The following NEDD4L variants were observed in gnomAD, a reference collection of about 807,000 sequenced individuals.
The protein encoded by NEDD4L is NEDD4 like E3 ubiquitin protein ligase.
Under a neutral mutation model 148.9 loss-of-function variants are expected in NEDD4L, and 54 were observed. That is an observed-to-expected ratio of 0.36 (90% CI 0.29 to 0.45). NEDD4L has a LOEUF of 0.45. Ranked by LOEUF, NEDD4L falls within the 20% of genes least tolerant of loss-of-function variation. The probability of loss-of-function intolerance (pLI) is 1.00; values close to 1 mark genes in which losing one functional copy is unlikely to be tolerated. For missense variants in NEDD4L, 856 were observed against 1,233.8 expected (o/e 0.69, Z 4.59); for synonymous variants, 433 against 440.7 (o/e 0.98, Z 0.22).
intron 5 of NEDD4L, among the ~76,000 whole-genome samples, chr18:58,292,980 C>T (rs915726498): frequency 6.6e-6 from 1 of 152,160 alleles, no homozygotes; most frequent in Non-Finnish European, 1.5e-5. Context: ...TACTGACAGC[C>T]CAAAATACAT....
chr18:58,141,726 C>A (rs561343579), intron 1 of NEDD4L, among the ~76,000 whole-genome samples: 1 of 152,072 alleles, frequency 6.6e-6, no homozygotes, highest in Non-Finnish European at 1.5e-5. Context: ...TATGTGCATG[C>A]GTCTCATTTA....
intron 24 of NEDD4L, among the ~76,000 whole-genome samples, chr18:58,380,944 T>C (rs1029684893): frequency 1.3e-5 from 2 of 152,250 alleles, no homozygotes; most frequent in Non-Finnish European, 2.9e-5. Context: ...GAATTTTACT[T>C]TGTAGACGTG....
At chr18:58,076,267 A>C (rs117362181) in intron 1 of NEDD4L, among the ~76,000 whole-genome samples, 2 of 152,348 alleles carry the variant, frequency 1.3e-5, no homozygotes, top group Non-Finnish European at 2.9e-5. Flanking sequence ...TGCATAAACT[A>C]ATCTGGGGAG....
chr18:58,344,279 G>T (rs2042785117), intron 16 of NEDD4L, among the ~76,000 whole-genome samples: 1 of 152,180 alleles, frequency 6.6e-6, no homozygotes, highest in Non-Finnish European at 1.5e-5. Context: ...AGTCCAGCAG[G>T]TCTAGAGGGC....
chr18:58,058,025 A>G (rs2082163280), intron 1 of NEDD4L, among the ~76,000 whole-genome samples: 1 of 152,078 alleles, frequency 6.6e-6, no homozygotes, highest in Non-Finnish European at 1.5e-5. Flanking sequence ...AATGGTGGTA[A>G]GGCCGGCCGC....
chr18:58,363,597 C>T (rs1039579086), intron 19 of NEDD4L, among the ~76,000 whole-genome samples: 33 of 152,300 alleles, frequency 2.2e-4, no homozygotes, highest in Admixed American at 4.6e-4. Flanking sequence ...GATATCACAA[C>T]TTTTGAATGA....
chr18:58,084,740 G>A (rs1282162153), intron 1 of NEDD4L, among the ~76,000 whole-genome samples: 1 of 147,146 alleles, frequency 6.8e-6, no homozygotes, highest in African/African-American at 2.5e-5. Context: ...TGTCACCTAG[G>A]CTGGAATGCA....
At chr18:58,176,209 C>T (rs969437902) in intron 2 of NEDD4L, among the ~76,000 whole-genome samples, 1 of 151,944 alleles carries the variant, frequency 6.6e-6, no homozygotes, top group Non-Finnish European at 1.5e-5. Context: ...CACTCTCCCC[C>T]TGTCTCCCTC....
chr18:58,316,099 G>C, intron 6 of NEDD4L, 67 bp downstream of exon 6: 2 of 1,258,056 alleles, frequency 1.6e-6, no homozygotes, highest in South Asian at 2.5e-5. Context: ...TGTAGTCAGT[G>C]TATTTTCAGA....
At chr18:58,062,077 A>G (rs2082361608) in intron 1 of NEDD4L, among the ~76,000 whole-genome samples, 2 of 152,312 alleles carry the variant, frequency 1.3e-5, no homozygotes, top group South Asian at 2.1e-4. Context: ...TCAAAGTTAT[A>G]TGTGTATTTT....
At position 58,112,229 on chromosome 18, in the gene NEDD4L, A is replaced by G. The variant is rs148598335; in HGVS notation, c.49-53559A>G. 1.4e-3 allele frequency among the ~76,000 whole-genome samples: 215 copies of G among 152,298 alleles called. 7 individuals carry two copies. The East Asian group carries it at 0.033, about 24-fold the overall frequency. Reference sequence around the variant, plus strand: ...TATTTTTTCAGTGTTTAGGTTTTCAATTGAATCAACTGACAAGTTTAGTGG... The same window carrying G: ...TATTTTTTCAGTGTTTAGGTTTTCAGTTGAATCAACTGACAAGTTTAGTGG... On this transcript the variant is annotated intron_variant, in intron 1 of 30. Transcript: ENST00000400345.
At chr18:58,144,125 A>G (rs2033852898) in intron 1 of NEDD4L, among the ~76,000 whole-genome samples, 1 of 151,712 alleles carries the variant, frequency 6.6e-6, no homozygotes, top group Non-Finnish European at 1.5e-5. Context: ...TAAAAAAAAA[A>G]AAAAGTCCAA....
At chr18:58,066,798 C>T (rs1003704613) in intron 1 of NEDD4L, among the ~76,000 whole-genome samples, 6 of 152,030 alleles carry the variant, frequency 3.9e-5, no homozygotes, top group Non-Finnish European at 7.4e-5. Flanking sequence ...ATGGAAGAAT[C>T]AGGAGGAAGA....
chr18:58,101,208 G>T (rs571794), intron 1 of NEDD4L, among the ~76,000 whole-genome samples: 47,477 of 152,104 alleles, frequency 0.31, 10,812 homozygotes, highest in African/African-American at 0.65. Context: ...AATTTCAGTA[G>T]TCATCTGATA....
In NEDD4L at chr18:58,097,985, C is replaced by T. The variant is rs931217362; in HGVS notation, c.48+53277C>T. Among the ~76,000 whole-genome samples the T allele has an allele frequency of 5.3e-5, 8 of 152,266 alleles. No homozygotes were observed. In the South Asian group the frequency reaches 1.2e-3, roughly 24 times the overall value. ...TCAAGGCTACAGTGAGCCATGATCA[C>T]GCCATTGCACTGCAGCCTGCGCGAC... On this transcript the variant is annotated intron_variant, in intron 1 of 30. Transcript: ENST00000400345.
intron 16 of NEDD4L, 57 bp from the exon 17 acceptor site, chr18:58,349,480 T>C (rs2043590716): frequency 6.9e-7 from 1 of 1,447,578 alleles, no homozygotes; most frequent in Admixed American, 1.7e-5. Context: ...AAGCACCCAG[T>C]AACTGCACAC....
chr18:58,294,837 T>G (rs1283248123), intron 5 of NEDD4L, among the ~76,000 whole-genome samples: 1 of 152,230 alleles, frequency 6.6e-6, no homozygotes, highest in Non-Finnish European at 1.5e-5. Flanking sequence ...CTTTCTGTTT[T>G]TAACTAATGG....
intron 2 of NEDD4L, among the ~76,000 whole-genome samples, chr18:58,200,457 A>C (rs2041265889): frequency 1.3e-5 from 2 of 152,212 alleles, no homozygotes. Flanking sequence ...TGCCTCTGAT[A>C]ATCAGAATAA....
At chr18:58,114,924 C>T (rs2085687520) in intron 1 of NEDD4L, among the ~76,000 whole-genome samples, 1 of 152,224 alleles carries the variant, frequency 6.6e-6, no homozygotes, top group African/African-American at 2.4e-5. Flanking sequence ...CTTTCAGGAG[C>T]CCTTGTGATT....
Sources: gnomAD v4.1 joint callset for allele counts (sites outside exome capture counted in the v4.1 genomes callset) on GRCh38, gnomAD v4.1.1 for gene constraint, MANE v1.5 for transcripts, NCBI Gene and HGNC (gene_info 2026-07-23, HGNC 2026-07-21) for gene names.